The following IMMP2L variants were observed in gnomAD, a reference collection of about 807,000 sequenced individuals.
IMMP2L encodes the protein inner mitochondrial membrane peptidase subunit 2.
A neutral mutation model predicts 19.3 loss-of-function variants in IMMP2L; 18 were observed. The observed-to-expected ratio is 0.93, with a 90% CI of 0.64 to 1.38. The LOEUF (loss-of-function observed/expected upper bound fraction) is 1.38, where lower values mean the gene tolerates loss of function less well. IMMP2L is among the 40% of genes most tolerant of loss of function. IMMP2L has a pLI of 0.00. For synonymous variants in IMMP2L, 76 were observed against 73.0 expected (o/e 1.04, Z -0.21); for missense variants, 233 against 218.2 (o/e 1.07, Z -0.43).
At chr7:111,403,380 T>C (rs1192579191) in intron 3 of IMMP2L, among the ~76,000 whole-genome samples, 1 of 151,950 alleles carries the variant, frequency 6.6e-6, no homozygotes, top group Non-Finnish European at 1.5e-5. Flanking sequence ...GAACCTCTTT[T>C]CTTTATAAAT....
intron 1 of IMMP2L, among the ~76,000 whole-genome samples, chr7:111,539,195 G>A (rs10245929): frequency 2.4e-3 from 57 of 23,584 alleles, no homozygotes; most frequent in African/African-American, 7.4e-3. Context: ...AAGGAAGGAG[G>A]GAGAAAGAAA....
At chr7:111,302,448 G>A (rs1822362337) in intron 3 of IMMP2L, among the ~76,000 whole-genome samples, 3 of 152,170 alleles carry the variant, frequency 2.0e-5, no homozygotes, top group Middle Eastern at 3.4e-3. Context: ...AATAAGTACA[G>A]CAATAACAAA....
intron 3 of IMMP2L, among the ~76,000 whole-genome samples, chr7:111,326,084 A>G (rs1253953303): frequency 6.6e-6 from 1 of 151,738 alleles, no homozygotes; most frequent in Non-Finnish European, 1.5e-5. Context: ...AATCTCCTAA[A>G]CCAAACCTGA....
At chr7:111,188,656 G>T (rs1181972911) in intron 3 of IMMP2L, among the ~76,000 whole-genome samples, 2 of 152,016 alleles carry the variant, frequency 1.3e-5, no homozygotes, top group East Asian at 1.9e-4. Context: ...GAAGTAATTT[G>T]TTTTGTCCTG....
intron 5 of IMMP2L, among the ~76,000 whole-genome samples, chr7:110,805,736 C>T (rs1227368659): frequency 6.6e-6 from 1 of 151,936 alleles, no homozygotes; most frequent in Non-Finnish European, 1.5e-5. Flanking sequence ...ACAGTAAATC[C>T]TCTTCTAACA....
At chr7:111,337,972 C>T (rs1249693584) in intron 3 of IMMP2L, among the ~76,000 whole-genome samples, 1 of 152,076 alleles carries the variant, frequency 6.6e-6, no homozygotes, top group African/African-American at 2.4e-5. Flanking sequence ...GCACATAATC[C>T]AGTTGGAGAG....
chr7:111,047,422 A>G (rs1792512581), intron 3 of IMMP2L, among the ~76,000 whole-genome samples: 1 of 152,096 alleles, frequency 6.6e-6, no homozygotes, highest in South Asian at 2.1e-4. Flanking sequence ...TCCTGACCTC[A>G]GGTGATCCAC....
At chr7:111,292,086 C>A (rs1415927349) in intron 3 of IMMP2L, among the ~76,000 whole-genome samples, 1 of 152,084 alleles carries the variant, frequency 6.6e-6, no homozygotes, top group Non-Finnish European at 1.5e-5. Flanking sequence ...ACCAAGAAAA[C>A]AACCATATTC....
At chr7:111,501,433 G>C (rs1328873811) in intron 2 of IMMP2L, among the ~76,000 whole-genome samples, 1 of 152,144 alleles carries the variant, frequency 6.6e-6, no homozygotes, top group African/African-American at 2.4e-5. Flanking sequence ...CCCCAGTCTA[G>C]CAAGGCAGGC....
intron 5 of IMMP2L, among the ~76,000 whole-genome samples, chr7:110,844,567 A>G (rs1805458194): frequency 6.6e-6 from 1 of 151,844 alleles, no homozygotes; most frequent in Non-Finnish European, 1.5e-5. Flanking sequence ...CCTTCATCCT[A>G]TGGTTAATCA....
At chr7:111,290,426 C>G (rs565361367) in intron 3 of IMMP2L, among the ~76,000 whole-genome samples, 2 of 151,554 alleles carry the variant, frequency 1.3e-5, no homozygotes, top group Admixed American at 6.6e-5. Context: ...TTTGTATATT[C>G]GTTGGAATGT....
chr7:111,344,066 C>T (rs1563082583), intron 3 of IMMP2L, among the ~76,000 whole-genome samples: 1 of 152,030 alleles, frequency 6.6e-6, no homozygotes. Context: ...CTCTCTTAGA[C>T]CTCTAAATGC....
chr7:110,700,868 T>G (rs1298837984), intron 5 of IMMP2L, among the ~76,000 whole-genome samples: 1 of 152,252 alleles, frequency 6.6e-6, no homozygotes, highest in African/African-American at 2.4e-5. Flanking sequence ...TGATATAGTA[T>G]GTATAATTTA....
At chr7:110,933,590 T>A (rs1815741372) in intron 4 of IMMP2L, among the ~76,000 whole-genome samples, 1 of 152,154 alleles carries the variant, frequency 6.6e-6, no homozygotes, top group African/African-American at 2.4e-5. Flanking sequence ...AACTCTTTGG[T>A]GTTGCTTTAT....
intron 5 of IMMP2L, among the ~76,000 whole-genome samples, chr7:110,813,246 CCT>C (rs1172552291): frequency 1.3e-5 from 2 of 151,810 alleles, no homozygotes; most frequent in Admixed American, 1.3e-4. Context: ...ACTGAAACTC[CCT>C]CTCTTATTGA....
chr7:111,465,501 T>TAAAAAA (rs757362734), intron 3 of IMMP2L, among the ~76,000 whole-genome samples: 3 of 64,302 alleles, frequency 4.7e-5, no homozygotes, highest in African/African-American at 1.5e-4. Flanking sequence ...CAGGTGTCAC[T>TAAAAAA]AAAAAAAAAA....
At chr7:111,073,531 C>T (rs17158293) in intron 3 of IMMP2L, among the ~76,000 whole-genome samples, 3,348 of 152,246 alleles carry the variant, frequency 0.022, 72 homozygotes, top group South Asian at 0.075. Context: ...CATATTCTCT[C>T]TTCCTGGCCA....
chr7:110,792,734 A>G (rs1476984711), intron 5 of IMMP2L, among the ~76,000 whole-genome samples: 1 of 152,118 alleles, frequency 6.6e-6, no homozygotes, highest in Non-Finnish European at 1.5e-5. Context: ...AATGTTGTAC[A>G]TTCTAGGGGT....
At chr7:110,750,386 C>T (rs1354455795) in intron 5 of IMMP2L, among the ~76,000 whole-genome samples, 1 of 151,980 alleles carries the variant, frequency 6.6e-6, no homozygotes, top group Non-Finnish European at 1.5e-5. Flanking sequence ...ATTGAAACCC[C>T]TGGAAAAACA....
Sources: gnomAD v4.1 joint callset for allele counts (sites outside exome capture counted in the v4.1 genomes callset) on GRCh38, gnomAD v4.1.1 for gene constraint, MANE v1.5 for transcripts, NCBI Gene and HGNC (gene_info 2026-07-23, HGNC 2026-07-21) for gene names.